MYO16: variants seen among roughly 807,000 people sequenced by gnomAD.
MYO16 encodes the protein myosin XVI, also known as unconventional myosin-XVI.
MYO16 carries 94 observed loss-of-function variants against 205.3 expected under a neutral mutation model. The ratio of observed to expected loss-of-function variants is 0.46; its 90% confidence interval spans 0.39 to 0.54. The LOEUF is 0.54. MYO16 is among the 20% of genes least tolerant of loss of function. The pLI, the probability that MYO16 is intolerant of heterozygous loss-of-function variation, is 0.00. For missense variants in MYO16, 2,315 were observed against 2,387.5 expected (o/e 0.97, Z 0.63); for synonymous variants, 988 against 954.0 (o/e 1.04, Z -0.66).
In MYO16 at chr13:108,957,647, G is replaced by T. The variant is rs542809019; in HGVS notation, c.1926-41G>T. 1.6e-5 allele frequency: 22 copies of T among 1,419,276 alleles called. No individual in the cohort carries two copies. The African/African-American group carries it at 2.5e-4, about 16-fold the overall frequency. 87.9% of individuals were successfully genotyped at this position (1,419,276 alleles called of 1,614,324 possible). On this transcript the variant is annotated intron_variant, in intron 16 of 34. Coordinates refer to ENST00000457511, the MANE Select transcript of MYO16 (RefSeq NM_001198950.3). ...GACTTTTAACCACAGAAGTCTGACC[G>T]GAAGCCAGGCGATAACGTTACGTGC...
intron 4 of MYO16, among the ~76,000 whole-genome samples, chr13:108,780,709 T>G (rs1257574271): frequency 6.6e-5 from 10 of 152,334 alleles, no homozygotes; most frequent in Admixed American, 2.6e-4. Flanking sequence ...TTTCAATAAA[T>G]CTTTTCTAGC....
At chr13:108,844,234 CTTAT>C in intron 9 of MYO16, 105 bp from the exon 10 acceptor site, 1 of 794,742 alleles carries the variant, frequency 1.3e-6, no homozygotes, top group East Asian at 3.2e-5. Context: ...AGAAATATTT[CTTAT>C]CTGAATAAAA....
intron 23 of MYO16, among the ~76,000 whole-genome samples, chr13:109,027,210 A>G (rs1886390817): frequency 6.6e-6 from 1 of 152,016 alleles, no homozygotes; most frequent in Non-Finnish European, 1.5e-5. Flanking sequence ...TTGCAAACCT[A>G]TCACCCCAAT....
the MYO16 span, among the ~76,000 whole-genome samples, chr13:108,501,981 A>C: frequency 1.3e-5 from 2 of 152,204 alleles, no homozygotes; most frequent in Non-Finnish European, 2.9e-5. Context: ...TGGGAGGCCG[A>C]GGCGGGCGGA....
chr13:108,571,201 G>A, the MYO16 span, among the ~76,000 whole-genome samples: 2 of 151,746 alleles, frequency 1.3e-5, no homozygotes, highest in South Asian at 2.1e-4. Flanking sequence ...GTGAACTGTG[G>A]AAACCTAGGA....
intron 1 of MYO16, among the ~76,000 whole-genome samples, chr13:108,621,920 C>T (rs1268513452): frequency 6.6e-6 from 1 of 151,904 alleles, no homozygotes; most frequent in Non-Finnish European, 1.5e-5. Context: ...TTAGACTGTG[C>T]CTAATTTATA....
chr13:108,551,100 C>G, the MYO16 span, among the ~76,000 whole-genome samples: 1 of 152,128 alleles, frequency 6.6e-6, no homozygotes, highest in Non-Finnish European at 1.5e-5. Flanking sequence ...TTAATCTGTA[C>G]TTTTCTTAAA....
chr13:108,908,068 A>G (rs1387770368), intron 15 of MYO16, among the ~76,000 whole-genome samples: 2 of 152,204 alleles, frequency 1.3e-5, no homozygotes, highest in Non-Finnish European at 2.9e-5. Flanking sequence ...AGGGGGAAAA[A>G]AGAAAAAAAT....
intron 1 of MYO16, among the ~76,000 whole-genome samples, chr13:108,611,932 G>A (rs117301467): frequency 6.7e-6 from 1 of 149,268 alleles, no homozygotes; most frequent in Non-Finnish European, 1.5e-5. Flanking sequence ...GTATTGAGAT[G>A]AGCTAGATAG....
intron 27 of MYO16, among the ~76,000 whole-genome samples, chr13:109,080,610 CA>C (rs1888255188): frequency 6.6e-6 from 1 of 150,978 alleles, no homozygotes; most frequent in Non-Finnish European, 1.5e-5. Context: ...TGGCTCAGGA[CA>C]AACTGCCACC....
At chr13:108,766,422 T>C (rs908107553) in intron 4 of MYO16, among the ~76,000 whole-genome samples, 5 of 152,220 alleles carry the variant, frequency 3.3e-5, no homozygotes, top group African/African-American at 9.6e-5. Flanking sequence ...GGCCTTCAAC[T>C]GTGACATGTG....
chr13:108,550,269 C>T, the MYO16 span, among the ~76,000 whole-genome samples: 1 of 152,248 alleles, frequency 6.6e-6, no homozygotes, highest in Admixed American at 6.5e-5. Flanking sequence ...TTGGAAAGAA[C>T]GACAACCTTT....
At chr13:108,990,579 G>A (rs1884795727) in intron 20 of MYO16, among the ~76,000 whole-genome samples, 2 of 152,038 alleles carry the variant, frequency 1.3e-5, no homozygotes, top group Non-Finnish European at 2.9e-5. Context: ...TTTAATCCAT[G>A]TAGAGTTTAT....
chr13:108,668,638 G>A (rs1013790998), intron 2 of MYO16, among the ~76,000 whole-genome samples: 1 of 152,116 alleles, frequency 6.6e-6, no homozygotes, highest in Non-Finnish European at 1.5e-5. Context: ...GATGGATACG[G>A]GGCAGGGACA....
the MYO16 span, among the ~76,000 whole-genome samples, chr13:108,538,340 A>G: frequency 6.6e-6 from 1 of 152,106 alleles, no homozygotes; most frequent in Non-Finnish European, 1.5e-5. Flanking sequence ...GAGGAAGTAT[A>G]ATATCGTGAG....
At chr13:108,986,935 CTG>C (rs1884659969) in intron 20 of MYO16, among the ~76,000 whole-genome samples, 2 of 152,158 alleles carry the variant, frequency 1.3e-5, no homozygotes, top group South Asian at 4.1e-4. Context: ...TAATACTCAT[CTG>C]TGTTTGGGGG....
chr13:108,558,843 C>T, the MYO16 span, among the ~76,000 whole-genome samples: 1 of 152,110 alleles, frequency 6.6e-6, no homozygotes, highest in South Asian at 2.1e-4. Flanking sequence ...GAGACATTGA[C>T]CTTTTGTATT....
intron 23 of MYO16, among the ~76,000 whole-genome samples, chr13:109,022,757 C>T (rs983568494): frequency 7.7e-6 from 1 of 129,854 alleles, no homozygotes; most frequent in Non-Finnish European, 1.5e-5. Context: ...CATATAAACA[C>T]ATGTATATAT....
intron 9 of MYO16, among the ~76,000 whole-genome samples, chr13:108,826,587 C>T (rs759279749): frequency 2.6e-5 from 4 of 151,026 alleles, no homozygotes; most frequent in Non-Finnish European, 5.9e-5. Context: ...GTTTCAAAGA[C>T]AGTAATAAGA....
Sources: allele counts gnomAD v4.1 joint callset (sites outside exome capture counted in the v4.1 genomes callset), GRCh38; gene constraint gnomAD v4.1.1; transcripts MANE v1.5; gene names NCBI Gene and HGNC (gene_info 2026-07-23, HGNC 2026-07-21).